ACAD11: variants seen among roughly 807,000 people sequenced by gnomAD.
The protein encoded by ACAD11 is acyl-CoA dehydrogenase family member 11, also known as acyl-Coenzyme A dehydrogenase family, member 11.
Under a neutral mutation model 102.2 loss-of-function variants are expected in ACAD11, and 83 were observed. That is an observed-to-expected ratio of 0.81 (90% CI 0.68 to 0.97). ACAD11 has a LOEUF of 0.97. Ranked by LOEUF, ACAD11 falls within the 50% of genes least tolerant of loss-of-function variation. The probability of loss-of-function intolerance (pLI) is 0.00; values close to 1 mark genes in which losing one functional copy is unlikely to be tolerated. For synonymous variants in ACAD11, 324 were observed against 319.8 expected, an observed-to-expected ratio of 1.01 and a Z score of -0.14; for missense variants, 901 against 951.7, an observed-to-expected ratio of 0.95 and a Z score of 0.70.
intron 5 of ACAD11, among the ~76,000 whole-genome samples, chr3:132,638,783 G>C (rs1371732820): frequency 6.6e-6 from 1 of 152,104 alleles, no homozygotes; most frequent in East Asian, 1.9e-4. Context: ...TCTCAGGGTA[G>C]ATAATTAACA....
rs1410477293 is a variant in ACAD11 at position 132,642,783 on chromosome 3, A to G, written c.269T>C (p.Val90Ala). The change falls in exon 3 of 20, where the codon GTC becomes GCC. Residue 90 changes from valine to alanine, a missense_variant. By Grantham distance (64) the Val-to-Ala change is moderately conservative (BLOSUM62 0). Coordinates refer to ENST00000264990, the MANE Select transcript of ACAD11 (RefSeq NM_032169.5). ...TCCAATTGAAAACAAGGCTTTCTGG[A>G]CTTTAAATTCTCTATCAATCTAAAT... is the stretch of plus-strand genomic sequence containing the variant. ...KAHQIDREFK[V>A]QKALFSIGFP... 1.2e-6 allele frequency: 2 copies of G among 1,612,366 alleles called. No homozygotes were observed. The highest frequency in any genetic ancestry group is 1.7e-6 in the Non-Finnish European group (2 of 1,179,354).
intron 15 of ACAD11, 139 bp downstream of exon 15, chr3:132,578,657 T>G: frequency 1.2e-6 from 1 of 859,278 alleles, no homozygotes; most frequent in Admixed American, 2.7e-5. Flanking sequence ...TCCACCAGCA[T>G]TTATATTAAG....
chr3:132,599,027 G>T (rs1217997416), intron 13 of ACAD11, among the ~76,000 whole-genome samples: 2 of 152,164 alleles, frequency 1.3e-5, no homozygotes, highest in Non-Finnish European at 2.9e-5. Flanking sequence ...GAAAGATACT[G>T]CTTGGCCAGG....
chr3:132,635,653 G>T (rs1320252807), intron 5 of ACAD11, among the ~76,000 whole-genome samples: 1 of 152,116 alleles, frequency 6.6e-6, no homozygotes, highest in Non-Finnish European at 1.5e-5. Context: ...AAATGGGCGG[G>T]TAGCACATAT....
At chr3:132,559,677 T>C (rs573204419) in intron 19 of ACAD11, among the ~76,000 whole-genome samples, 156 bp downstream of exon 19, 1 of 152,238 alleles carries the variant, frequency 6.6e-6, no homozygotes, top group African/African-American at 2.4e-5. Flanking sequence ...TAAGAGCAAC[T>C]ATTTCTTGGT....
intron 5 of ACAD11, among the ~76,000 whole-genome samples, chr3:132,638,943 C>A (rs1171523006): frequency 1.3e-5 from 2 of 152,108 alleles, no homozygotes; most frequent in Non-Finnish European, 2.9e-5. Context: ...ATTGTAGGTG[C>A]TCAGTGGAGG....
At chr3:132,577,124 TCC>T (rs1937535333) in intron 15 of ACAD11, 109 bp from the exon 16 acceptor site, 7 of 726,632 alleles carry the variant, frequency 9.6e-6, no homozygotes, top group Non-Finnish European at 1.6e-5. Flanking sequence ...ATTTCAAAGA[TCC>T]ATATGGCATG....
At chr3:132,601,147 TG>T (rs1342094876) in intron 13 of ACAD11, 1 of 1,612,986 alleles carries the variant, frequency 6.2e-7, no homozygotes, top group East Asian at 2.2e-5. Context: ...TAGTTTTCAT[TG>T]TCACTCAACT....
chr3:132,643,917 T>C (rs1465959724), intron 2 of ACAD11, among the ~76,000 whole-genome samples: 2 of 152,126 alleles, frequency 1.3e-5, no homozygotes, highest in Non-Finnish European at 2.9e-5. Flanking sequence ...TCAGGTGGGA[T>C]GTTATCAAGA....
intron 5 of ACAD11, among the ~76,000 whole-genome samples, chr3:132,637,900 G>C (rs1248478408): frequency 6.6e-6 from 1 of 152,030 alleles, no homozygotes; most frequent in Admixed American, 6.6e-5. Context: ...AATTAAACAT[G>C]CTGTTGTTTT....
intron 17 of ACAD11, among the ~76,000 whole-genome samples, chr3:132,567,257 T>C (rs927437774): frequency 2.6e-5 from 4 of 152,120 alleles, no homozygotes; most frequent in Non-Finnish European, 5.9e-5. Context: ...GGATTACAGG[T>C]GTGAACTACT....
At chr3:132,571,015 C>T (rs745609266) in intron 17 of ACAD11, among the ~76,000 whole-genome samples, 12 of 152,050 alleles carry the variant, frequency 7.9e-5, no homozygotes, top group African/African-American at 2.7e-4. Context: ...TATACCTTTG[C>T]GTATATATCC....
In ACAD11 at chr3:132,559,945, A is replaced by G. The variant is rs771218815; in HGVS notation, c.2119-3T>C. ...GCAGCCACTTTGATCATTGCAATCT[A>G]TATAAGCAAAATATGAAAAGAATGC... is the stretch of plus-strand genomic sequence containing the variant. On this transcript the variant is annotated splice_region_variant and splice_polypyrimidine_tract_variant and intron_variant, in intron 18 of 19. Coordinates refer to ENST00000264990, the MANE Select transcript of ACAD11 (RefSeq NM_032169.5). The G allele has an allele frequency of 3.7e-6, 6 of 1,606,402 alleles. No individual in the cohort carries two copies. The highest frequency in any genetic ancestry group is 1.3e-5 in the African/African-American group (1 of 74,898).
intron 11 of ACAD11, among the ~76,000 whole-genome samples, chr3:132,618,093 G>A (rs556267048): frequency 2.4e-4 from 37 of 151,884 alleles, no homozygotes; most frequent in African/African-American, 7.7e-4. Context: ...AACTTATTAC[G>A]TAAGTTTGAA....
intron 18 of ACAD11, 56 bp downstream of exon 18, chr3:132,561,045 G>T: frequency 7.4e-7 from 1 of 1,342,744 alleles, no homozygotes; most frequent in South Asian, 1.2e-5. Flanking sequence ...TCCAACAGGT[G>T]AGAGAACTGG....
At chr3:132,580,655 T>C (rs1320310088) in intron 13 of ACAD11, among the ~76,000 whole-genome samples, 2 of 152,034 alleles carry the variant, frequency 1.3e-5, no homozygotes, top group Non-Finnish European at 2.9e-5. Context: ...GCTAATGGTA[T>C]TGTGGTTACA....
intron 5 of ACAD11, among the ~76,000 whole-genome samples, chr3:132,632,554 A>G (rs1044457233): frequency 6.6e-6 from 1 of 152,164 alleles, no homozygotes; most frequent in Non-Finnish European, 1.5e-5. Flanking sequence ...TTGACTTGGC[A>G]ATGCGGGCTC....
At chr3:132,644,247 C>T (rs947788310) in intron 2 of ACAD11, among the ~76,000 whole-genome samples, 1 of 152,154 alleles carries the variant, frequency 6.6e-6, no homozygotes, top group African/African-American at 2.4e-5. Context: ...CTGTCCCCTC[C>T]TGTTCTCTGA....
rs1326377348 is a variant in ACAD11 at position 132,558,402 on chromosome 3, G to C, written c.*569C>G. 3 of 152,662 alleles carry C rather than the reference G, an allele frequency of 2.0e-5. No homozygotes were observed. Among genetic ancestry groups the C allele is most frequent in the Non-Finnish European group, 4.4e-5 (3 of 68,440 alleles). 9.5% of individuals were successfully genotyped at this position (152,662 alleles called of 1,614,324 possible). ...TACAGTGAAGTACAGTGAGGTTAAG[G>C]CTCAGTGGCAAACGTTAAAGAGGCC... is the stretch of plus-strand genomic sequence containing the variant. On this transcript the variant is annotated 3_prime_UTR_variant, in exon 20 of 20. Coordinates refer to ENST00000264990, the MANE Select transcript of ACAD11 (RefSeq NM_032169.5).
Sources: gnomAD v4.1 joint callset for allele counts (sites outside exome capture counted in the v4.1 genomes callset) on GRCh38, gnomAD v4.1.1 for gene constraint, MANE v1.5 for transcripts, NCBI Gene and HGNC (gene_info 2026-07-23, HGNC 2026-07-21) for gene names.